Variants in PFKP observed in about 807,000 individuals in gnomAD.
PFKP encodes ATP-dependent 6-phosphofructokinase, platelet type.
Under a neutral mutation model 94.3 loss-of-function variants are expected in PFKP, and 101 were observed. That is an observed-to-expected ratio of 1.07 (90% CI 0.91 to 1.26). The LOEUF (loss-of-function observed/expected upper bound fraction) is 1.26. Ranked by LOEUF, PFKP falls within the 50% of genes most tolerant of loss-of-function variation. The pLI is 0.00. For synonymous variants in PFKP, 573 were observed against 432.6 expected (o/e 1.32, Z -4.03); for missense variants, 1,145 against 1,103.3 (o/e 1.04, Z -0.53).
At chr10:3,097,092 C>CAA (rs1331910256) in intron 2 of PFKP, among the ~76,000 whole-genome samples, 4 of 95,660 alleles carry the variant, frequency 4.2e-5, no homozygotes, top group South Asian at 3.6e-4. Flanking sequence ...AAACAAAAAA[C>CAA]AAAAAAACCT....
chr10:3,129,485 C>T (rs971247078), intron 16 of PFKP: 3 of 271,788 alleles, frequency 1.1e-5, no homozygotes, highest in Middle Eastern at 1.1e-3. Context: ...GGGACAGTCA[C>T]AGAGCAGCGT....
chr10:3,108,123 G>A lies in PFKP; in HGVS notation c.871-578G>A, dbSNP rs75439171. ...AGTCCAGGCAAAGATTTTATTTCCC[G>A]CTTAACTGTAATTAAATTATAGGAC... On this transcript the variant is annotated intron_variant, in intron 8 of 21. Coordinates refer to ENST00000381125, the MANE Select transcript of PFKP (RefSeq NM_002627.5). The A allele has an allele frequency of 4.3e-3, 3,411 of 802,068 alleles. 92 individuals are homozygous for A. The African/African-American group carries it at 0.057, about 13-fold the overall frequency. 49.7% of individuals were successfully genotyped at this position (802,068 alleles called of 1,614,324 possible).
rs768834273 is a variant in PFKP at position 3,103,918 on chromosome 10, C to T, written c.594C>T (p.Val198=). 152 of 1,613,606 alleles carry T rather than the reference C, an allele frequency of 9.4e-5. No individual in the cohort carries two copies. Among genetic ancestry groups the T allele is most frequent in the Middle Eastern group, 1.6e-4 (1 of 6,084 alleles). ...CCCTGCACAGGATCATCGAGGTCGT[C>T]GACGCCATCATGACCACGGCCCAGA... is the stretch of plus-strand genomic sequence containing the variant. ...DSALHRIIEV[V]DAIMTTAQSH... Residue 198 remains valine (V), a synonymous_variant, in exon 5 of 22, where the codon GTC becomes GTT. Transcript: ENST00000381125.
intron 2 of PFKP, among the ~76,000 whole-genome samples, 181 bp from the exon 3 acceptor site, chr10:3,099,094 G>C (rs1004783940): frequency 2.0e-5 from 3 of 152,200 alleles, no homozygotes; most frequent in African/African-American, 7.2e-5. Context: ...AGGGACTCAA[G>C]GTGAGGACTT....
At chr10:3,092,226 C>T (rs1834100784) in intron 2 of PFKP, among the ~76,000 whole-genome samples, 1 of 152,248 alleles carries the variant, frequency 6.6e-6, no homozygotes, top group South Asian at 2.1e-4. Context: ...GTGATCTTAG[C>T]TTCCCTTGTT....
chr10:3,107,807 A>G (rs1272833932), intron 8 of PFKP: 11 of 1,213,658 alleles, frequency 9.1e-6, no homozygotes, highest in Non-Finnish European at 1.2e-5. Flanking sequence ...AGGCTTTGGC[A>G]GGCTTCGTGC....
chr10:3,071,749 G>A (rs1382466051), intron 1 of PFKP, among the ~76,000 whole-genome samples: 2 of 152,164 alleles, frequency 1.3e-5, no homozygotes, highest in Non-Finnish European at 2.9e-5. Context: ...CTGTGGTGAG[G>A]TGAATATCAA....
intron 4 of PFKP, among the ~76,000 whole-genome samples, chr10:3,103,321 C>G (rs61379946): frequency 0.04 from 6,029 of 152,266 alleles, 398 homozygotes; most frequent in African/African-American, 0.14. Context: ...CTTTCCTTAA[C>G]TATGCAGAAT....
chr10:3,104,995 A>T lies in PFKP; in HGVS notation c.621-120A>T, dbSNP rs1835393204. The T allele has an allele frequency of 5.5e-6, 5 of 905,438 alleles. No homozygotes were observed. The Admixed American group carries it at 1.1e-4, about 19-fold the overall frequency. 56.1% of individuals were successfully genotyped at this position (905,438 alleles called of 1,614,324 possible). A position where few individuals can be genotyped will look rare whatever the true frequency, so the allele number is the denominator to read the frequency against. On this transcript the variant is annotated intron_variant, in intron 5 of 21. Transcript: ENST00000381125. ...CTAGGTCCCTGCAGGCCTCCTGGCT[A>T]ACTCGGCTGTCAAAGCCCCTTTTCT...
At position 3,081,399 on chromosome 10, in the gene PFKP, C is replaced by T. The variant is rs540250134; in HGVS notation, c.113-989C>T. 8.5e-5 allele frequency among the ~76,000 whole-genome samples: 13 copies of T among 152,328 alleles called. No homozygotes were observed. In the East Asian group the frequency reaches 2.5e-3, roughly 29 times the overall value. ...GAAACATCACTGGCTTCATGGCCCA[C>T]GAACTGCAGCATCTTTAGTTCTGAC... On this transcript the variant is annotated intron_variant, in intron 1 of 21. Transcript: ENST00000381125.
At chr10:3,108,097 A>T in intron 8 of PFKP, 1 of 1,023,460 alleles carries the variant, frequency 9.8e-7, no homozygotes, top group South Asian at 1.4e-5. Flanking sequence ...GTCATCCATA[A>T]AGTCCAGGCA....
At position 3,101,642 on chromosome 10, in the gene PFKP, G is replaced by C. The variant is rs1588464503; in HGVS notation, c.454+88G>C. Reference sequence around the variant, plus strand: ...ACAGGTTTCCCTCTTCACTGTGGCAGAAGTACCTCTTCTCACAGATCTTAC... The same window carrying C: ...ACAGGTTTCCCTCTTCACTGTGGCACAAGTACCTCTTCTCACAGATCTTAC... On this transcript the variant is annotated intron_variant, in intron 4 of 21. Coordinates refer to ENST00000381125, the MANE Select transcript of PFKP (RefSeq NM_002627.5). 4.4e-6 allele frequency: 4 copies of C among 912,852 alleles called. No individual in the cohort carries two copies. In the East Asian group the frequency reaches 1.2e-4, roughly 26 times the overall value. The allele number at this position is 912,852 out of a possible 1,614,324, so 56.5% of individuals were successfully genotyped here. A position where few individuals can be genotyped will look rare whatever the true frequency, so the allele number is the denominator to read the frequency against.
chr10:3,136,248 A>G (rs139081418), intron 21 of PFKP, among the ~76,000 whole-genome samples: 4 of 152,260 alleles, frequency 2.6e-5, no homozygotes, highest in African/African-American at 9.6e-5. Context: ...CTGGCGACAG[A>G]GCGAGACTCC....
chr10:3,130,944 G>A (rs1838505664), intron 17 of PFKP, among the ~76,000 whole-genome samples: 1 of 152,198 alleles, frequency 6.6e-6, no homozygotes, highest in African/African-American at 2.4e-5. Flanking sequence ...TATGTGACAT[G>A]TGAATCACGA....
At chr10:3,088,199 T>C (rs1190545302) in intron 2 of PFKP, among the ~76,000 whole-genome samples, 2 of 134,114 alleles carry the variant, frequency 1.5e-5, no homozygotes, top group African/African-American at 2.8e-5. Flanking sequence ...CCTGTGTCCA[T>C]GTGTTCTCAT....
intron 1 of PFKP, among the ~76,000 whole-genome samples, chr10:3,073,830 T>TGTTTGTTTG (rs1564257988): frequency 6.6e-6 from 1 of 150,584 alleles, no homozygotes; most frequent in African/African-American, 2.5e-5. Context: ...TGTGTGTTTT[T>TGTTTGTTTG]TTTGTTTGTT....
rs184749438 is a variant in PFKP, at chr10:3,113,576, G to A, written c.1371+58G>A. ...CACCCTGGCTGTGAGCACAGTGGAC[G>A]TGGCGGCGGGGGGGTGCCCTCCATG... On this transcript the variant is annotated intron_variant, in intron 13 of 21. Transcript: ENST00000381125. 58 of 1,525,422 alleles carry A rather than the reference G, an allele frequency of 3.8e-5. 1 individual carries two copies. Among genetic ancestry groups the A allele is most frequent in the Middle Eastern group, 4.4e-4 (2 of 4,572 alleles). The allele number at this position is 1,525,422 out of a possible 1,614,324, so 94.5% of individuals were successfully genotyped here. A position where few individuals can be genotyped will look rare whatever the true frequency, so the allele number is the denominator to read the frequency against.
intron 17 of PFKP, 96 bp from the exon 18 acceptor site, chr10:3,132,284 C>T: frequency 1.2e-6 from 1 of 858,266 alleles, no homozygotes; most frequent in Non-Finnish European, 2.0e-6. Flanking sequence ...ACGCTCACTG[C>T]CACACTTGGT....
At chr10:3,113,337 C>G (rs766411581) in intron 12 of PFKP, 35 bp from the exon 13 acceptor site, 2 of 1,574,080 alleles carry the variant, frequency 1.3e-6, no homozygotes, top group South Asian at 1.2e-5. Flanking sequence ...CACGTGTGCC[C>G]GTGACCCAGC....
Sources: gnomAD v4.1 joint callset for allele counts (sites outside exome capture counted in the v4.1 genomes callset) on GRCh38, gnomAD v4.1.1 for gene constraint, MANE v1.5 for transcripts, NCBI Gene and HGNC (gene_info 2026-07-23, HGNC 2026-07-21) for gene names.